Variants in STK39 observed in about 807,000 individuals in gnomAD.
The protein encoded by STK39 is serine/threonine kinase 39, also known as STE20/SPS1-related proline-alanine-rich protein kinase.
STK39 carries 20 observed loss-of-function variants against 77.8 expected under a neutral mutation model. That is an observed-to-expected ratio of 0.26 (90% CI 0.18 to 0.37). The LOEUF (loss-of-function observed/expected upper bound fraction) is 0.37, where lower values mean the gene tolerates loss of function less well. Ranked by LOEUF, STK39 falls within the 10% of genes least tolerant of loss-of-function variation. STK39 has a pLI of 1.00. For missense variants in STK39, 479 were observed against 656.5 expected (o/e 0.73, Z 2.95); for synonymous variants, 246 against 234.1 (o/e 1.05, Z -0.47).
chr2:168,051,479 T>A (rs192620589), intron 14 of STK39, among the ~76,000 whole-genome samples: 1 of 152,136 alleles, frequency 6.6e-6, no homozygotes, highest in Non-Finnish European at 1.5e-5. Flanking sequence ...AAAAGGCTCA[T>A]GAGAAAGAAG....
intron 10 of STK39, among the ~76,000 whole-genome samples, chr2:168,079,123 C>T (rs879639510): frequency 1.3e-5 from 2 of 152,136 alleles, no homozygotes; most frequent in Admixed American, 6.5e-5. Flanking sequence ...GAAAAATTAA[C>T]GAAATGTGAC....
intron 1 of STK39, among the ~76,000 whole-genome samples, chr2:168,204,849 T>C (rs1301068938): frequency 6.6e-6 from 1 of 152,242 alleles, no homozygotes; most frequent in African/African-American, 2.4e-5. Flanking sequence ...ATGTCCTTTT[T>C]CACTACACCC....
chr2:168,074,941 G>A (rs1179181658), intron 12 of STK39, 41 bp downstream of exon 12: 5 of 1,605,740 alleles, frequency 3.1e-6, no homozygotes, highest in Non-Finnish European at 3.4e-6. Flanking sequence ...CACAAGAAAG[G>A]AATGAAATGG....
intron 14 of STK39, among the ~76,000 whole-genome samples, chr2:168,050,012 G>A (rs1685353291): frequency 6.6e-6 from 1 of 152,180 alleles, no homozygotes; most frequent in Non-Finnish European, 1.5e-5. Context: ...GTACTTTTAA[G>A]TAATCCCTCT....
chr2:168,233,055 C>T (rs573053817), intron 1 of STK39, among the ~76,000 whole-genome samples: 1 of 152,136 alleles, frequency 6.6e-6, no homozygotes, highest in African/African-American at 2.4e-5. Context: ...ACTTTTTAAA[C>T]AACTGATGGG....
chr2:168,232,992 A>G (rs1275738882), intron 1 of STK39, among the ~76,000 whole-genome samples: 2 of 152,162 alleles, frequency 1.3e-5, no homozygotes, highest in African/African-American at 4.8e-5. Context: ...AAAAACGGCT[A>G]TAGATGAACT....
chr2:168,062,343 C>G (rs1199498211), intron 14 of STK39, among the ~76,000 whole-genome samples: 1 of 152,082 alleles, frequency 6.6e-6, no homozygotes, highest in African/African-American at 2.4e-5. Context: ...GTTCGAAAGT[C>G]AAACAAAAAG....
At chr2:168,006,350 C>T (rs184651416) in intron 16 of STK39, among the ~76,000 whole-genome samples, 2 of 152,338 alleles carry the variant, frequency 1.3e-5, no homozygotes, top group South Asian at 2.1e-4. Flanking sequence ...ACTTACTAAA[C>T]TAATTCCTCA....
chr2:168,229,191 C>T (rs1414858942), intron 1 of STK39, among the ~76,000 whole-genome samples: 3 of 151,982 alleles, frequency 2.0e-5, no homozygotes, highest in Admixed American at 2.0e-4. Context: ...AAGATATCAG[C>T]CTGGCCAATA....
intron 12 of STK39, among the ~76,000 whole-genome samples, chr2:168,070,481 A>G (rs560931430): frequency 1.2e-3 from 182 of 151,344 alleles, no homozygotes; most frequent in African/African-American, 3.8e-3. Flanking sequence ...GTTCTAGGGT[A>G]CATGTGCACA....
intron 16 of STK39, among the ~76,000 whole-genome samples, chr2:167,966,511 T>C (rs1283883827): frequency 6.6e-6 from 1 of 152,226 alleles, no homozygotes; most frequent in East Asian, 1.9e-4. Flanking sequence ...ATGTGGATGA[T>C]TTACTGCCTT....
chr2:168,171,695 C>G (rs973982147), intron 2 of STK39, among the ~76,000 whole-genome samples: 1 of 151,980 alleles, frequency 6.6e-6, no homozygotes, highest in African/African-American at 2.4e-5. Context: ...CACTGTGTTG[C>G]CCAGGCTGGT....
At chr2:167,956,207 T>C (rs1691758044) in intron 17 of STK39, among the ~76,000 whole-genome samples, 1 of 152,158 alleles carries the variant, frequency 6.6e-6, no homozygotes, top group East Asian at 1.9e-4. Context: ...TTGGCAAAAA[T>C]TATGGTGTGT....
At chr2:168,101,555 T>C (rs964681788) in intron 10 of STK39, among the ~76,000 whole-genome samples, 1 of 151,996 alleles carries the variant, frequency 6.6e-6, no homozygotes, top group Non-Finnish European at 1.5e-5. Context: ...CTGGCCAACA[T>C]GGTGAAACCC....
intron 14 of STK39, among the ~76,000 whole-genome samples, chr2:168,040,709 C>T (rs914008866): frequency 6.6e-6 from 1 of 152,140 alleles, no homozygotes; most frequent in African/African-American, 2.4e-5. Context: ...CATATGGCAT[C>T]TTCATACCTT....
intron 1 of STK39, among the ~76,000 whole-genome samples, chr2:168,217,263 T>C (rs1029256663): frequency 6.6e-6 from 1 of 152,176 alleles, no homozygotes; most frequent in Non-Finnish European, 1.5e-5. Flanking sequence ...ATCCACCTGG[T>C]AGAATTTCCT....
chr2:168,052,503 T>C (rs1007802919), intron 14 of STK39, among the ~76,000 whole-genome samples: 1 of 152,246 alleles, frequency 6.6e-6, no homozygotes, highest in Admixed American at 6.5e-5. Flanking sequence ...GTATTTTCTG[T>C]ATATGTTTCC....
At position 168,101,749 on chromosome 2, in the gene STK39, A is replaced by G. The variant is rs552623381; in HGVS notation, c.1090-26518T>C. Among the ~76,000 whole-genome samples, 3 of 152,312 alleles carry G rather than the reference A, an allele frequency of 2.0e-5. No individual in the cohort carries two copies. The East Asian group carries it at 5.8e-4, about 29-fold the overall frequency. On this transcript the variant is annotated intron_variant, in intron 10 of 17. Coordinates refer to ENST00000355999, the MANE Select transcript of STK39 (RefSeq NM_013233.3). ...CAAGACTCTGTCTCAAAAAAAATAA[A>G]AACAAAAAAATTAAAATAAAATATA... is the stretch of plus-strand genomic sequence containing the variant.
At chr2:168,151,702 G>A (rs3820871) in intron 5 of STK39, among the ~76,000 whole-genome samples, 61,482 of 148,106 alleles carry the variant, frequency 0.42, 14,313 homozygotes, top group East Asian at 0.67. Context: ...TCACGCCACT[G>A]CACTCCAGCC....
Sources: gnomAD v4.1 joint callset for allele counts (sites outside exome capture counted in the v4.1 genomes callset) on GRCh38, gnomAD v4.1.1 for gene constraint, MANE v1.5 for transcripts, NCBI Gene and HGNC (gene_info 2026-07-23, HGNC 2026-07-21) for gene names.